Variants in BAHCC1 observed in about 807,000 individuals in gnomAD.
BAHCC1 encodes BAH domain and coiled-coil containing 1, also known as BAH and coiled-coil domain-containing protein 1.
Under a neutral mutation model 88.2 loss-of-function variants are expected in BAHCC1, and 43 were observed. That is an observed-to-expected ratio of 0.49 (90% CI 0.38 to 0.63). The LOEUF is 0.63. BAHCC1 is among the 20% of genes least tolerant of loss of function. The probability of loss-of-function intolerance (pLI) is 0.00; values close to 1 mark genes in which losing one functional copy is unlikely to be tolerated. For synonymous variants in BAHCC1, 1,510 were observed against 745.5 expected (o/e 2.03, Z -16.71); for missense variants, 3,023 against 1,654.8 (o/e 1.83, Z -14.34).
chr17:81,411,277 A>T lies in BAHCC1; in HGVS notation c.178+11360A>T, dbSNP rs2063946896. 2.2e-6 allele frequency: 1 copy of T among 461,622 alleles called. No individual in the cohort carries two copies. The highest frequency in any genetic ancestry group is 2.3e-5 in the Admixed American group (1 of 43,148). The allele number at this position is 461,622 out of a possible 1,614,324, so 28.6% of individuals were successfully genotyped here. A position where few individuals can be genotyped will look rare whatever the true frequency, so the allele number is the denominator to read the frequency against. ...CAGCTCCCCTTCTCGGCAGCTCCCAAACCCTGACCCCAGACAGGCAGCAGG... is the reference window on the plus strand; with the variant it reads ...CAGCTCCCCTTCTCGGCAGCTCCCATACCCTGACCCCAGACAGGCAGCAGG... On this transcript the variant is annotated intron_variant, in intron 2 of 27. Transcript: ENST00000675386. This position sits in a 1 kb window ranked among gnomAD's most constrained non-coding sequence, Gnocchi z 6.2.
intron 4 of BAHCC1, among the ~76,000 whole-genome samples, chr17:81,439,118 A>G (rs1296096584): frequency 3.3e-5 from 5 of 152,222 alleles, no homozygotes; most frequent in African/African-American, 1.2e-4. Flanking sequence ...CAGGCCCAGC[A>G]GAGCCGAGTC....
chr17:81,440,976 G>A (rs1199575978), intron 4 of BAHCC1, among the ~76,000 whole-genome samples: 4 of 152,202 alleles, frequency 2.6e-5, no homozygotes, highest in Admixed American at 6.5e-5. Flanking sequence ...CAGGAGCTGC[G>A]CCTGCCACCT....
rs782062514 is a variant in BAHCC1 at position 81,456,512 on chromosome 17, G to A, written c.4785G>A (p.Gln1595=). ...AKVSGATRHP[Q]PKGHGSRETP... ...TGTCTGGGGCCACACGGCACCCACA[G>A]CCCAAGGGCCACGGCAGCCGGGAGA... Residue 1595 remains glutamine (Q), a synonymous_variant, in exon 16 of 28, where the codon CAG becomes CAA. Coordinates refer to ENST00000675386, the MANE Select transcript of BAHCC1 (RefSeq NM_001377448.1). The A allele has an allele frequency of 1.4e-6, 1 of 717,414 alleles. No individual in the cohort carries two copies. Among genetic ancestry groups the A allele is most frequent in the South Asian group, 1.5e-5 (1 of 67,532 alleles). 44.4% of individuals were successfully genotyped at this position (717,414 alleles called of 1,614,324 possible).
At chr17:81,437,636 C>A (rs1407973732) in intron 3 of BAHCC1, among the ~76,000 whole-genome samples, 7 of 152,218 alleles carry the variant, frequency 4.6e-5, no homozygotes, top group Admixed American at 3.3e-4. Context: ...GGCTGGCTTT[C>A]CTGTGCTGGG....
In BAHCC1 at chr17:81,429,408, C is replaced by T. The variant is rs898813567; in HGVS notation, c.358+2429C>T. ...CCCTCCCTGCGGGGGTTCCCTGCCA[C>T]GCAGCCGTGCTCCCCGACAGACCAC... On this transcript the variant is annotated intron_variant, in intron 3 of 27. Coordinates refer to ENST00000675386, the MANE Select transcript of BAHCC1 (RefSeq NM_001377448.1). Among the ~76,000 whole-genome samples the T allele has an allele frequency of 3.7e-4, 57 of 152,354 alleles. No individual in the cohort carries two copies. In the East Asian group the frequency reaches 9.5e-3, roughly 25 times the overall value.
chr17:81,449,765 G>A (rs1415688065), intron 11 of BAHCC1, among the ~76,000 whole-genome samples: 1 of 151,394 alleles, frequency 6.6e-6, no homozygotes, highest in African/African-American at 2.4e-5. Flanking sequence ...TCAGATCTGT[G>A]GTCTCGGTCC....
At position 81,399,130 on chromosome 17, in the gene BAHCC1, T is replaced by TGA. The variant is rs1567989328; in HGVS notation, c.-206-403_-206-402insAG. The TGA allele has an allele frequency of 2.0e-5, 4 of 203,930 alleles. No individual in the cohort carries two copies. The highest frequency in any genetic ancestry group is 4.1e-5 in the Non-Finnish European group (4 of 96,936). The allele number at this position is 203,930 out of a possible 1,614,324, so 12.6% of individuals were successfully genotyped here. On this transcript the variant is annotated intron_variant, in intron 1 of 27. Transcript: ENST00000675386. The surrounding 1 kb of genome is among the most constrained non-coding windows in gnomAD (Gnocchi z 4.5). ...GGAGGGGAGAGGGTGTGCGTGTGAG[T>TGA]GTGTGTGTGTGTGTGTGTGTGTGCG...
chr17:81,456,849 C>T (rs913002399), intron 16 of BAHCC1, among the ~76,000 whole-genome samples: 18 of 152,234 alleles, frequency 1.2e-4, no homozygotes, highest in Non-Finnish European at 2.2e-4. Flanking sequence ...GAAGGACCCC[C>T]ACTGGAAGCA....
At chr17:81,406,820 G>T in intron 2 of BAHCC1, 1 of 452,990 alleles carries the variant, frequency 2.2e-6, no homozygotes. Context: ...TCGGCGCGGG[G>T]TTTGCAGCGA....
chr17:81,410,124 G>C (rs183504658), intron 2 of BAHCC1: 3 of 305,296 alleles, frequency 9.8e-6, no homozygotes, highest in African/African-American at 4.5e-5. Context: ...TGTGGCCCCG[G>C]TGCCCTCCCA....
At chr17:81,425,656 A>G (rs2064179746) in intron 2 of BAHCC1, among the ~76,000 whole-genome samples, 2 of 109,148 alleles carry the variant, frequency 1.8e-5, no homozygotes, top group South Asian at 3.3e-4. Context: ...GTTGGTGGTG[A>G]TGTGGTTGGT....
Position 81,458,214 on chromosome 17 carries a change from G to A in BAHCC1, c.5091G>A (p.Arg1697=), listed in dbSNP as rs1555657903. 1 of 731,124 alleles carries A rather than the reference G, an allele frequency of 1.4e-6. No homozygotes were observed. The highest frequency in any genetic ancestry group is 2.5e-6 in the Non-Finnish European group (1 of 393,356). 45.3% of individuals were successfully genotyped at this position (731,124 alleles called of 1,614,324 possible). Residue 1697 remains arginine, a synonymous_variant, in exon 18 of 28, where the codon CGG becomes CGA. Coordinates refer to ENST00000675386, the MANE Select transcript of BAHCC1 (RefSeq NM_001377448.1). The part of the protein sequence containing the change: ...SPESEVKIKR[R]SVKAKVGTTL... ...AGAGTGAGGTCAAGATCAAGAGGCGGTCGGTGAAGGCCAAGGTGGGCACCA... is the reference window on the plus strand; with the variant it reads ...AGAGTGAGGTCAAGATCAAGAGGCGATCGGTGAAGGCCAAGGTGGGCACCA...
At position 81,461,720 on chromosome 17, in the gene BAHCC1, G is replaced by A. The variant is rs530803487; in HGVS notation, c.7057G>A (p.Asp2353Asn). 17 of 718,868 alleles carry A rather than the reference G, an allele frequency of 2.4e-5. No individual in the cohort carries two copies. In the East Asian group the frequency reaches 4.5e-4, roughly 19 times the overall value. The allele number at this position is 718,868 out of a possible 1,614,324, so 44.5% of individuals were successfully genotyped here. A position where few individuals can be genotyped will look rare whatever the true frequency, so the allele number is the denominator to read the frequency against. ...EDSSYSSDDE[D>N]PALLLQTCLT... ...CTCGTCCTACAGCTCAGACGACGAG[G>A]ACCCGGCTCTGCTGCTGCAGACCTG... Residue 2353 changes from aspartate (D) to asparagine (N), a missense_variant, in exon 26 of 28, where the codon GAC becomes AAC. Physicochemically the swap from Asp to Asn is conservative, Grantham distance 23. Coordinates refer to ENST00000675386, the MANE Select transcript of BAHCC1 (RefSeq NM_001377448.1).
intron 2 of BAHCC1, among the ~76,000 whole-genome samples, chr17:81,405,182 C>T (rs551062607): frequency 4.5e-4 from 69 of 152,314 alleles, no homozygotes; most frequent in African/African-American, 1.5e-3. Flanking sequence ...ATTGTCGTGC[C>T]TCAGTCTCCC....
intron 2 of BAHCC1, among the ~76,000 whole-genome samples, chr17:81,414,532 C>G (rs1236018102): frequency 1.3e-5 from 2 of 152,208 alleles, no homozygotes; most frequent in Admixed American, 1.3e-4. Flanking sequence ...TCCCAGAGGT[C>G]CCTGCCTGAG....
At position 81,434,104 on chromosome 17, in the gene BAHCC1, C is replaced by T. The variant is rs538167862; in HGVS notation, c.359-4266C>T. 6.6e-5 allele frequency among the ~76,000 whole-genome samples: 10 copies of T among 152,242 alleles called. No individual in the cohort carries two copies. The highest frequency in any genetic ancestry group is 2.4e-4 in the African/African-American group (10 of 41,534). The stretch of plus-strand genomic sequence containing the variant: ...CCTGGGGTCACTGTGGGGGGAGTAA[C>T]AGGGGATCTGGCAGAGTTGGCAGGA... On this transcript the variant is annotated intron_variant, in intron 3 of 27. Transcript: ENST00000675386. This position sits in a 1 kb window ranked among gnomAD's most constrained non-coding sequence, Gnocchi z 4.9.
chr17:81,438,583 C>T, intron 4 of BAHCC1, 91 bp downstream of exon 4: 1 of 697,320 alleles, frequency 1.4e-6, no homozygotes, highest in Non-Finnish European at 2.7e-6. Context: ...GAAAGGCCAG[C>T]CTAGGTTAGC....
Position 81,432,001 on chromosome 17 carries a change from C to T in BAHCC1, c.358+5022C>T, listed in dbSNP as rs961068384. ...GCATGGGCCCCTGCTATGTGCAGGG[C>T]AGGTGGGCAGGGCAGGGGTCGTCAC... On this transcript the variant is annotated intron_variant, in intron 3 of 27. Transcript: ENST00000675386. Among the ~76,000 whole-genome samples the T allele has an allele frequency of 4.6e-5, 7 of 152,296 alleles. No homozygotes were observed. The East Asian group carries it at 9.6e-4, about 21-fold the overall frequency.
At chr17:81,396,751 G>A (rs1423460880) in intron 1 of BAHCC1, 3 of 152,268 alleles carry the variant, frequency 2.0e-5, no homozygotes, top group Non-Finnish European at 2.9e-5. Context: ...CGGCAAGAGG[G>A]ACCGGCGGCT....
Sources: gnomAD v4.1 joint callset for allele counts (sites outside exome capture counted in the v4.1 genomes callset) on GRCh38, gnomAD v4.1.1 for gene constraint, Gnocchi (gnomAD v3.1) non-coding constraint, MANE v1.5 for transcripts, NCBI Gene and HGNC (gene_info 2026-07-23, HGNC 2026-07-21) for gene names.